The following PINLYP variants were observed in gnomAD, a reference collection of about 807,000 sequenced individuals.
The protein encoded by PINLYP is phospholipase A2 inhibitor and Ly6/PLAUR domain-containing protein.
In PINLYP, 12 loss-of-function variants were observed where a neutral mutation model predicts 15.8. The observed-to-expected ratio is 0.76, with a 90% confidence interval of 0.49 to 1.23. The LOEUF (loss-of-function observed/expected upper bound fraction) is 1.23. Ranked by LOEUF, PINLYP falls within the 50% of genes most tolerant of loss-of-function variation. PINLYP has a pLI of 0.00. For synonymous variants in PINLYP, 93 were observed against 97.7 expected (o/e 0.95, Z 0.28); for missense variants, 278 against 264.2 (o/e 1.05, Z -0.36).
exon 6 of PINLYP, chr19:43,582,065 T>C: frequency 6.6e-7 from 1 of 1,510,270 alleles, no homozygotes; most frequent in African/African-American, 1.4e-5. Context: ...AGCCTGTAAC[T>C]CCCCGTGTGC....
intron 3 of PINLYP, chr19:43,580,591 A>G: frequency 1.0e-6 from 1 of 954,144 alleles, no homozygotes; most frequent in Non-Finnish European, 1.2e-6. Flanking sequence ...AAATAGAGTA[A>G]TCCCGGAAGG....
chr19:43,581,574 A>T (rs907652515), exon 5 of PINLYP: 48 of 1,535,602 alleles, frequency 3.1e-5, no homozygotes, highest in Non-Finnish European at 4.1e-5. Flanking sequence ...TCCCTTGACC[A>T]ATCTTACTGA....
At chr19:43,582,096 C>A in exon 6 of PINLYP, 1 of 1,376,708 alleles carries the variant, frequency 7.3e-7, no homozygotes, top group South Asian at 1.3e-5. Context: ...GTTAATAGAG[C>A]AAGCCTGAGT....
At chr19:43,581,344 G>C (rs763619746) in exon 4 of PINLYP, 1 of 1,536,686 alleles carries the variant, frequency 6.5e-7, no homozygotes, top group African/African-American at 1.4e-5. Context: ...AGCGACGGCT[G>C]CAACAGTGCC....
chr19:43,581,559 T>A lies in PINLYP; in HGVS notation c.341-4T>A. On this transcript the variant is annotated splice_region_variant and splice_polypyrimidine_tract_variant and intron_variant, in intron 4 of 5. Coordinates refer to ENST00000599207, the Ensembl canonical transcript of PINLYP. ...TTCACCTTACACTTCATCCTCATCCTCAGTTCCCTTGACCAATCTTACTGA... is the reference window on the plus strand; with the variant it reads ...TTCACCTTACACTTCATCCTCATCCACAGTTCCCTTGACCAATCTTACTGA... The A allele has an allele frequency of 6.5e-7, 1 of 1,534,438 alleles. No homozygotes were observed. Among genetic ancestry groups the A allele is most frequent in the Non-Finnish European group, 8.7e-7 (1 of 1,145,920 alleles).
upstream of PINLYP, chr19:43,575,655 G>C (rs1325961201): frequency 2.2e-6 from 1 of 465,096 alleles, no homozygotes. Flanking sequence ...CTCCAGAGCG[G>C]GAAGAGCGCT....
intron 2 of PINLYP, 40 bp downstream of exon 2, chr19:43,577,301 G>A: frequency 6.6e-7 from 1 of 1,521,128 alleles, no homozygotes; most frequent in South Asian, 1.2e-5. Flanking sequence ...GGGACCTCAG[G>A]AAGAGAGAGG....
In PINLYP at chr19:43,581,724, T is replaced by C. The variant is rs1248356047; in HGVS notation, c.481+21T>C. 2.6e-6 allele frequency: 4 copies of C among 1,535,748 alleles called. No homozygotes were observed. The Admixed American group carries it at 5.9e-5, about 23-fold the overall frequency. ...GGCTGGTGAGTGGTGCCTGAATCTC[T>C]GGAAAAGGAAACAGAACTAGAGGTC... is the stretch of plus-strand genomic sequence containing the variant. On this transcript the variant is annotated intron_variant, in intron 5 of 5. Transcript: ENST00000599207.
chr19:43,579,531 G>A (rs993293445), intron 3 of PINLYP, among the ~76,000 whole-genome samples: 1 of 151,408 alleles, frequency 6.6e-6, no homozygotes, highest in African/African-American at 2.4e-5. Context: ...ACAGGCATGA[G>A]CTACCGTGCC....
chr19:43,580,169 T>C (rs750618423), intron 3 of PINLYP, among the ~76,000 whole-genome samples: 1 of 152,072 alleles, frequency 6.6e-6, no homozygotes, highest in Non-Finnish European at 1.5e-5. Context: ...CAGCCAGCGT[T>C]GGTGGGTTAA....
intron 3 of PINLYP, among the ~76,000 whole-genome samples, chr19:43,580,113 A>G (rs543888335): frequency 6.6e-6 from 1 of 152,284 alleles, no homozygotes; most frequent in Admixed American, 6.5e-5. Flanking sequence ...GGGAGAAAAC[A>G]CTGGTCGGGA....
rs75415913 is a variant in PINLYP, at chr19:43,580,175, G to A, written c.188-1037G>A. ...AAAATCACCCAGCCAGCGTTGGTGG[G>A]TTAAGGAAGGACCTGAAAGGCTTGA... On this transcript the variant is annotated intron_variant, in intron 3 of 5. Coordinates refer to ENST00000599207, the Ensembl canonical transcript of PINLYP. Among the ~76,000 whole-genome samples, 711 of 152,254 alleles carry A rather than the reference G, an allele frequency of 4.7e-3. 4 individuals are homozygous for A. Among genetic ancestry groups the A allele is most frequent in the African/African-American group, 0.016 (685 of 41,520 alleles).
intron 2 of PINLYP, among the ~76,000 whole-genome samples, chr19:43,577,680 A>G (rs897309910): frequency 2.0e-5 from 3 of 152,010 alleles, no homozygotes; most frequent in Non-Finnish European, 4.4e-5. Flanking sequence ...AGGCAGGTGG[A>G]TCACTTGAGG....
chr19:43,575,564 G>T, upstream of PINLYP: 3 of 1,253,108 alleles, frequency 2.4e-6, no homozygotes, highest in Non-Finnish European at 3.3e-6. Context: ...TGGCTAAAGT[G>T]CGCAAGCGCG....
At chr19:43,581,101 C>T in intron 3 of PINLYP, 111 bp from the exon 4 acceptor site, 1 of 1,177,124 alleles carries the variant, frequency 8.5e-7, no homozygotes, top group South Asian at 1.7e-5. Context: ...AAGAGACCAT[C>T]CCAGGAAGTT....
rs962177861 is a variant in PINLYP at position 43,581,884 on chromosome 19, A to G, written c.498A>G (p.Arg166=). Residue 166 remains arginine (R), a synonymous_variant, in exon 6 of 6, where the codon AGA becomes AGG. Transcript: ENST00000599207. ...CCCTTTCAGGTATTTTCAAACCCAGATTTGCTATGCGGGGCTGTGCTACAG... is the reference window on the plus strand; with the variant it reads ...CCCTTTCAGGTATTTTCAAACCCAGGTTTGCTATGCGGGGCTGTGCTACAG... The G allele has an allele frequency of 4.6e-6, 7 of 1,536,614 alleles. No homozygotes were observed. The African/African-American group carries it at 9.6e-5, about 21-fold the overall frequency.
At chr19:43,579,420 A>AT (rs776984062) in intron 3 of PINLYP, among the ~76,000 whole-genome samples, 2 of 151,140 alleles carry the variant, frequency 1.3e-5, no homozygotes, top group Non-Finnish European at 3.0e-5. Flanking sequence ...TAATTTTTGT[A>AT]TTTTTTAGTA....
chr19:43,581,329 G>A (rs1972929434), exon 4 of PINLYP: 3 of 1,536,910 alleles, frequency 2.0e-6, no homozygotes, highest in Non-Finnish European at 8.7e-7. Flanking sequence ...TCCTTCTGCT[G>A]CCAGAGCGAC....
At chr19:43,581,504 G>T in intron 4 of PINLYP, 59 bp from the exon 5 acceptor site, 2 of 1,510,896 alleles carry the variant, frequency 1.3e-6, no homozygotes, top group Non-Finnish European at 1.8e-6. Flanking sequence ...GGGTTGTTGG[G>T]AGGTTGGGGG....
Sources: gnomAD v4.1 joint callset for allele counts (sites outside exome capture counted in the v4.1 genomes callset) on GRCh38, gnomAD v4.1.1 for gene constraint, MANE v1.5 for transcripts, NCBI Gene and HGNC (gene_info 2026-07-23, HGNC 2026-07-21) for gene names.